The following ANAPC7 variants were observed in gnomAD, a reference collection of about 807,000 sequenced individuals.
The protein encoded by ANAPC7 is anaphase promoting complex subunit 7.
Under a neutral mutation model 63.3 loss-of-function variants are expected in ANAPC7, and 25 were observed. The ratio of observed to expected loss-of-function variants is 0.39; its 90% CI spans 0.29 to 0.55. The LOEUF (loss-of-function observed/expected upper bound fraction) is 0.55, where lower values mean the gene tolerates loss of function less well. Ranked by LOEUF, ANAPC7 falls within the 20% of genes least tolerant of loss-of-function variation. The pLI, the probability that ANAPC7 is intolerant of heterozygous loss-of-function variation, is 0.57. For missense variants in ANAPC7, 516 were observed against 691.7 expected (o/e 0.75, Z 2.85); for synonymous variants, 241 against 251.7 (o/e 0.96, Z 0.40).
At chr12:110,382,492 A>ATATATATATATATT (rs1566264511) in intron 7 of ANAPC7, among the ~76,000 whole-genome samples, 1 of 133,040 alleles carries the variant, frequency 7.5e-6, no homozygotes, top group Non-Finnish European at 1.6e-5. Flanking sequence ...ATATATATAT[A>ATATATATATATATT]TATTTATAGA....
Position 110,385,271 on chromosome 12 carries a change from A to C in ANAPC7, c.817+1056T>G, listed in dbSNP as rs1352945610. ...ACAAGAGTGAAACTCCGTCTCAAAC[A>C]AACAAATAAAAAATCACTGCCTCTC... is the stretch of plus-strand genomic sequence containing the variant. On this transcript the variant is annotated intron_variant, in intron 6 of 10. Coordinates refer to ENST00000455511, the MANE Select transcript of ANAPC7 (RefSeq NM_016238.3). Among the ~76,000 whole-genome samples the C allele has an allele frequency of 1.3e-5, 2 of 152,172 alleles. 1 individual carries two copies. The highest frequency in any genetic ancestry group is 4.8e-5 in the African/African-American group (2 of 41,446).
rs765178921 is a variant in ANAPC7 at position 110,403,620 on chromosome 12, A to C, written c.8T>G (p.Val3Gly). MNVIDHVRDMAAA... is the reference protein window; with the variant it reads MNGIDHVRDMAAA... Reference sequence around the variant, plus strand: ...CGCCATGTCCCGCACGTGGTCTATCACATTCATCCTGCTCTGCAAAGCCGC... The same window carrying C: ...CGCCATGTCCCGCACGTGGTCTATCCCATTCATCCTGCTCTGCAAAGCCGC... The change falls in exon 1 of 11, where the codon GTG becomes GGG. Residue 3 changes from valine to glycine, a missense_variant. Transcript: ENST00000455511. The C allele has an allele frequency of 6.2e-7, 1 of 1,604,248 alleles. No individual in the cohort carries two copies. Among genetic ancestry groups the C allele is most frequent in the South Asian group, 1.1e-5 (1 of 89,420 alleles).
At chr12:110,392,673 A>C (rs930834965) in intron 3 of ANAPC7, among the ~76,000 whole-genome samples, 5 of 152,222 alleles carry the variant, frequency 3.3e-5, no homozygotes, top group African/African-American at 9.6e-5. Context: ...AAAAAATACT[A>C]TTCTTCTCAT....
chr12:110,389,525 C>A (rs1290300440), intron 3 of ANAPC7, among the ~76,000 whole-genome samples: 1 of 152,210 alleles, frequency 6.6e-6, no homozygotes, highest in Non-Finnish European at 1.5e-5. Context: ...ATCAGCTACA[C>A]TATTTAAATC....
At chr12:110,400,018 C>T (rs1445198243) in intron 1 of ANAPC7, among the ~76,000 whole-genome samples, 1 of 149,552 alleles carries the variant, frequency 6.7e-6, no homozygotes, top group East Asian at 2.0e-4. Flanking sequence ...TTGAACCCAG[C>T]AGGCGGAGGT....
chr12:110,390,576 T>C (rs1883009011), intron 3 of ANAPC7, among the ~76,000 whole-genome samples: 1 of 152,112 alleles, frequency 6.6e-6, no homozygotes, highest in Non-Finnish European at 1.5e-5. Context: ...TATAAAACAA[T>C]CTAATATAGC....
At chr12:110,386,195 A>C (rs1476651875) in intron 6 of ANAPC7, 132 bp downstream of exon 6, 29 of 1,344,224 alleles carry the variant, frequency 2.2e-5, no homozygotes, top group Non-Finnish European at 2.9e-5. Context: ...TAAAAAAAGT[A>C]AAAGACTAGT....
Position 110,395,124 on chromosome 12 carries a change from G to C in ANAPC7, c.385C>G (p.Pro129Ala). ...KDAIAILDGI[P>A]SRQRTPKINM... ...ACTTTGGGAGTTCTTTGTCTTGAAG[G>C]GATCCCATCAAGTATAGCAATGGCA... The change falls in exon 3 of 11, where the codon CCT (proline) becomes GCT (alanine). Residue 129 changes from proline to alanine, a missense_variant. Physicochemically the swap from Pro to Ala is conservative, Grantham distance 27 (BLOSUM62 -1). Around this residue, in one of 4 missense-constraint regions of ANAPC7, gnomAD observed 185 missense variants for 200.3 expected, o/e 0.92. Transcript: ENST00000455511. The C allele has an allele frequency of 6.2e-7, 1 of 1,613,660 alleles. No homozygotes were observed. The highest frequency in any genetic ancestry group is 8.5e-7 in the Non-Finnish European group (1 of 1,179,844).
intron 5 of ANAPC7, 91 bp downstream of exon 5, chr12:110,387,648 A>T: frequency 6.9e-7 from 1 of 1,444,106 alleles, no homozygotes. Flanking sequence ...ACAGCAAAGC[A>T]TCTCATTTTT....
chr12:110,393,392 CTTTAT>C (rs769056153), intron 3 of ANAPC7, among the ~76,000 whole-genome samples: 3 of 152,002 alleles, frequency 2.0e-5, no homozygotes, highest in South Asian at 2.1e-4. Context: ...TTCTTTATTC[CTTTAT>C]TTTATTAATA....
At chr12:110,388,386 C>A in intron 4 of ANAPC7, 126 bp downstream of exon 4, 2 of 687,422 alleles carry the variant, frequency 2.9e-6, no homozygotes, top group Non-Finnish European at 2.4e-6. Context: ...AACAGGAATC[C>A]TACTAAATCA....
chr12:110,394,953 C>G, intron 3 of ANAPC7, 148 bp downstream of exon 3: 1 of 884,888 alleles, frequency 1.1e-6, no homozygotes, highest in Non-Finnish European at 1.7e-6. Flanking sequence ...TTCAGGGTCC[C>G]CCACCCCCAC....
At chr12:110,380,862 C>T (rs181535046) in intron 8 of ANAPC7, among the ~76,000 whole-genome samples, 11 of 151,310 alleles carry the variant, frequency 7.3e-5, no homozygotes, top group Non-Finnish European at 8.8e-5. Flanking sequence ...GGCATTAACC[C>T]GGGAGGTGGA....
chr12:110,399,542 G>A (rs193279619), intron 1 of ANAPC7, among the ~76,000 whole-genome samples: 208 of 149,518 alleles, frequency 1.4e-3, no homozygotes, highest in African/African-American at 4.5e-3. Flanking sequence ...TAATAGACAC[G>A]GTTTCTTTTT....
At chr12:110,377,366 A>G in intron 9 of ANAPC7, 27 bp downstream of exon 9, 1 of 1,593,604 alleles carries the variant, frequency 6.3e-7, no homozygotes, top group Non-Finnish European at 8.6e-7. Flanking sequence ...TTAATGATGA[A>G]CAGGACAGAA....
chr12:110,382,071 A>G lies in ANAPC7; in HGVS notation c.936-123T>C, dbSNP rs570065421. ...GAACATAATCCTTATTCCAAACCAC[A>G]CTTATAGTTTTAACCTAAGATATTA... On this transcript the variant is annotated intron_variant, in intron 7 of 10. Transcript: ENST00000455511. 305 of 960,708 alleles carry G rather than the reference A, an allele frequency of 3.2e-4. 2 individuals carry two copies. The African/African-American group carries it at 4.7e-3, about 15-fold the overall frequency. The allele number at this position is 960,708 out of a possible 1,614,324, so 59.5% of individuals were successfully genotyped here. A position where few individuals can be genotyped will look rare whatever the true frequency, so the allele number is the denominator to read the frequency against.
chr12:110,389,197 G>C (rs539894119), intron 3 of ANAPC7, among the ~76,000 whole-genome samples: 1 of 151,770 alleles, frequency 6.6e-6, no homozygotes, highest in African/African-American at 2.4e-5. Context: ...AGTAATATCT[G>C]AACAAAAGAC....
At chr12:110,390,309 G>A (rs1040967678) in intron 3 of ANAPC7, among the ~76,000 whole-genome samples, 1 of 152,024 alleles carries the variant, frequency 6.6e-6, no homozygotes, top group African/African-American at 2.4e-5. Flanking sequence ...CCTGACCTCA[G>A]GTGATCCAAC....
chr12:110,396,682 TG>T (rs1347302181), intron 1 of ANAPC7, among the ~76,000 whole-genome samples: 1 of 72,700 alleles, frequency 1.4e-5, no homozygotes, highest in Admixed American at 1.2e-4. Flanking sequence ...AGCTAATTTT[TG>T]TTTTTTTTTT....
Sources: allele counts gnomAD v4.1 joint callset (sites outside exome capture counted in the v4.1 genomes callset), GRCh38; gene constraint gnomAD v4.1.1; regional missense constraint gnomAD v4.1.1; transcripts MANE v1.5; gene names NCBI Gene and HGNC (gene_info 2026-07-23, HGNC 2026-07-21).